CASK: variants seen among roughly 807,000 people sequenced by gnomAD.
CASK encodes calcium/calmodulin dependent serine protein kinase, also known as peripheral plasma membrane protein CASK.
Under a neutral mutation model 82.9 loss-of-function variants are expected in CASK, and 4 were observed. The ratio of observed to expected loss-of-function variants is 0.05; its 90% CI spans 0.02 to 0.11. CASK has a LOEUF of 0.11. Ranked by LOEUF, CASK falls within the 10% of genes least tolerant of loss-of-function variation. The pLI is 1.00. For synonymous variants in CASK, 259 were observed against 253.5 expected, an observed-to-expected ratio of 1.02 and a Z score of -0.20; for missense variants, 358 against 720.9, an observed-to-expected ratio of 0.50 and a Z score of 5.76.
chrX:41,719,927 A>G (rs1006136177), intron 5 of CASK, among the ~76,000 whole-genome samples: 14 of 112,912 alleles, frequency 1.2e-4, no homozygotes, highest in African/African-American at 4.5e-4. Flanking sequence ...GGGAGCTAAG[A>G]ACATAAAGTA....
intron 2 of CASK, among the ~76,000 whole-genome samples, chrX:41,848,004 T>C (rs1284431240): frequency 8.9e-6 from 1 of 112,523 alleles, no homozygotes; most frequent in East Asian, 2.8e-4. Flanking sequence ...CTTAACATAG[T>C]ATTTTCTAGA....
At chrX:41,727,580 G>C in intron 5 of CASK, 9 of 1,196,983 alleles carry the variant, frequency 7.5e-6, no homozygotes, top group Non-Finnish European at 9.1e-6. Flanking sequence ...GGAGAAGAGA[G>C]CCTATGCTAC....
chrX:41,767,583 A>G (rs1352807634), intron 3 of CASK, among the ~76,000 whole-genome samples: 1 of 111,954 alleles, frequency 8.9e-6, no homozygotes, highest in Admixed American at 9.5e-5. Flanking sequence ...TCCACGTTGC[A>G]TTTAGTCGTC....
At chrX:41,623,311 C>A (rs771576308) in intron 10 of CASK, among the ~76,000 whole-genome samples, 3 of 112,246 alleles carry the variant, frequency 2.7e-5, no homozygotes, top group Non-Finnish European at 5.6e-5. Flanking sequence ...TGTTTTACAT[C>A]GTAAACAATA....
At chrX:41,549,788 C>T (rs1296045376) in intron 21 of CASK, among the ~76,000 whole-genome samples, 1 of 107,373 alleles carries the variant, frequency 9.3e-6, no homozygotes. Flanking sequence ...TGCAAGGAGC[C>T]AAGATTGCAC....
At chrX:41,866,240 C>T (rs1485942761) in intron 1 of CASK, among the ~76,000 whole-genome samples, 1 of 112,467 alleles carries the variant, frequency 8.9e-6, no homozygotes, top group African/African-American at 3.2e-5. Context: ...ATCAGAGTGC[C>T]CACCGGGACC....
intron 3 of CASK, among the ~76,000 whole-genome samples, chrX:41,750,961 T>A (rs1042073563): frequency 4.4e-5 from 5 of 113,021 alleles, no homozygotes; most frequent in South Asian, 7.1e-4. Flanking sequence ...TTGGTACTTA[T>A]CTGCAAATAT....
intron 1 of CASK, among the ~76,000 whole-genome samples, chrX:41,877,793 T>C (rs1292026002): frequency 2.7e-5 from 3 of 111,405 alleles, no homozygotes; most frequent in Non-Finnish European, 5.7e-5. Flanking sequence ...GTAGATATTA[T>C]GGGAAGAATT....
intron 1 of CASK, among the ~76,000 whole-genome samples, chrX:41,900,565 CTG>C (rs2072351366): frequency 9.8e-6 from 1 of 102,215 alleles, no homozygotes; most frequent in South Asian, 4.4e-4. Flanking sequence ...AGTTCAGACA[CTG>C]TGTTCTTCAG....
chrX:41,748,573 C>T (rs923989187), intron 3 of CASK: 2 of 216,928 alleles, frequency 9.2e-6, no homozygotes, highest in South Asian at 1.5e-4. Flanking sequence ...AAGATGAAAA[C>T]ATATAGGAGG....
intron 12 of CASK, among the ~76,000 whole-genome samples, chrX:41,607,991 C>T (rs1488947736): frequency 8.9e-6 from 1 of 112,214 alleles, no homozygotes; most frequent in Non-Finnish European, 1.9e-5. Flanking sequence ...TTAATATGTA[C>T]ACTATATACA....
intron 3 of CASK, among the ~76,000 whole-genome samples, chrX:41,755,320 T>G (rs913222383): frequency 9.0e-6 from 1 of 111,609 alleles, no homozygotes; most frequent in Non-Finnish European, 1.9e-5. Flanking sequence ...AAAGACAACC[T>G]CACTAAAGAA....
chrX:41,873,183 TAGTC>T (rs1308772766), intron 1 of CASK, among the ~76,000 whole-genome samples: 6 of 106,596 alleles, frequency 5.6e-5, no homozygotes, highest in Non-Finnish European at 1.2e-4. Context: ...GTAGCAGTAG[TAGTC>T]AGTATTTTTG....
intron 2 of CASK, among the ~76,000 whole-genome samples, chrX:41,849,918 C>T (rs943853550): frequency 8.9e-6 from 1 of 112,176 alleles, no homozygotes. Context: ...GAGGCTCATG[C>T]CTGTAATCCC....
At chrX:41,547,922 C>A (rs2065046738) in intron 21 of CASK, among the ~76,000 whole-genome samples, 1 of 112,527 alleles carries the variant, frequency 8.9e-6, no homozygotes, top group Admixed American at 9.4e-5. Context: ...CACGCCCAGT[C>A]CCTTGTATAT....
Position 41,518,003 on chromosome X carries a change from G to A in CASK, c.*2417C>T, listed in dbSNP as rs1418398552. On this transcript the variant is annotated 3_prime_UTR_variant, in exon 27 of 27. Coordinates refer to ENST00000378163, the MANE Select transcript of CASK (RefSeq NM_001367721.1). ...TGGCAAGAATGATGCCTGCCTGTGT[G>A]CTTCTCAGAGGACGTATAAAGCCAC... 5.2e-6 allele frequency: 2 copies of A among 386,675 alleles called. No homozygotes were observed. The highest frequency in any genetic ancestry group is 9.1e-6 in the Non-Finnish European group (2 of 219,298). The allele number at this position is 386,675 out of a possible 1,213,427, so 31.9% of individuals were successfully genotyped here. A position where few individuals can be genotyped will look rare whatever the true frequency, so the allele number is the denominator to read the frequency against.
intron 3 of CASK, among the ~76,000 whole-genome samples, chrX:41,771,619 T>A (rs2069246526): frequency 1.8e-5 from 2 of 111,740 alleles, no homozygotes; most frequent in African/African-American, 6.5e-5. Context: ...GGTATCAATA[T>A]CAGAATTTGA....
chrX:41,794,487 G>C (rs1242998870), intron 2 of CASK, among the ~76,000 whole-genome samples: 1 of 112,189 alleles, frequency 8.9e-6, no homozygotes, highest in Admixed American at 9.5e-5. Flanking sequence ...AAACCAAAGG[G>C]GGGAAGATCA....
chrX:41,745,109 C>T (rs1476985205), intron 4 of CASK, among the ~76,000 whole-genome samples: 1 of 112,098 alleles, frequency 8.9e-6, no homozygotes, highest in Admixed American at 9.4e-5. Flanking sequence ...CCTCCACCTC[C>T]TGGGTTCAAA....
Sources: gnomAD v4.1 joint callset for allele counts (sites outside exome capture counted in the v4.1 genomes callset) on GRCh38, gnomAD v4.1.1 for gene constraint, MANE v1.5 for transcripts, NCBI Gene and HGNC (gene_info 2026-07-23, HGNC 2026-07-21) for gene names.